Variants in ERBB4 observed in about 807,000 individuals in gnomAD.
The protein encoded by ERBB4 is erb-b2 receptor tyrosine kinase 4.
ERBB4 carries 42 observed loss-of-function variants against 158.0 expected under a neutral mutation model. That is an observed-to-expected ratio of 0.27 (90% CI 0.21 to 0.34). ERBB4 has a LOEUF of 0.34. Ranked by LOEUF, ERBB4 falls within the 10% of genes least tolerant of loss-of-function variation. The pLI is 1.00. For synonymous variants in ERBB4, 583 were observed against 558.7 expected (o/e 1.04, Z -0.61); for missense variants, 1,333 against 1,624.1 (o/e 0.82, Z 3.08).
At position 212,082,464 on chromosome 2, in the gene ERBB4, A is replaced by G. The variant is rs538341076; in HGVS notation, c.234+42288T>C. Reference sequence around the variant, plus strand: ...AAAGATGACTATAAAATAATGTTTTATAAGGGCATTTGCATACTTTGGCAC... The same window carrying G: ...AAAGATGACTATAAAATAATGTTTTGTAAGGGCATTTGCATACTTTGGCAC... On this transcript the variant is annotated intron_variant, in intron 2 of 27. Transcript: ENST00000342788. Among the ~76,000 whole-genome samples, 39 of 152,234 alleles carry G rather than the reference A, an allele frequency of 2.6e-4. No homozygotes were observed. In the South Asian group the frequency reaches 7.0e-3, roughly 27 times the overall value.
intron 1 of ERBB4, among the ~76,000 whole-genome samples, chr2:212,377,944 T>A (rs1245561349): frequency 6.6e-6 from 1 of 151,794 alleles, no homozygotes; most frequent in Non-Finnish European, 1.5e-5. Context: ...TTCTATAAGC[T>A]TTTTCCTATT....
At chr2:212,288,385 GAACATACTATT>G (rs1470267010) in intron 1 of ERBB4, among the ~76,000 whole-genome samples, 1 of 152,080 alleles carries the variant, frequency 6.6e-6, no homozygotes, top group African/African-American at 2.4e-5. Flanking sequence ...GAGGAACCAC[GAACATACTATT>G]AACATCACTG....
At chr2:211,764,534 T>C (rs540022277) in intron 4 of ERBB4, among the ~76,000 whole-genome samples, 3 of 152,318 alleles carry the variant, frequency 2.0e-5, no homozygotes, top group Non-Finnish European at 4.4e-5. Flanking sequence ...GGCAATTTAT[T>C]TCTATGATAA....
Position 211,386,982 on chromosome 2 carries a change from G to T in ERBB4, c.3352C>A (p.His1118Asn). 1.2e-6 allele frequency: 2 copies of T among 1,614,026 alleles called. No homozygotes were observed. Among genetic ancestry groups the T allele is most frequent in the Non-Finnish European group, 1.7e-6 (2 of 1,179,968 alleles). ...TGGGTGCTACTGTCCTCTTGGACAT[G>T]GGGTGCCACTGGCTTGCGTAGGGTG... ...NGTLRKPVAPHVQEDSSTQRY... is the reference protein window; with the variant it reads ...NGTLRKPVAPNVQEDSSTQRY... The change falls in exon 27 of 28, where the codon CAT (histidine) becomes AAT (asparagine). Residue 1118 changes from histidine (H) to asparagine (N), a missense_variant. Coordinates refer to ENST00000342788, the MANE Select transcript of ERBB4 (RefSeq NM_005235.3).
At chr2:212,528,017 CT>C (rs1391576128) in intron 1 of ERBB4, among the ~76,000 whole-genome samples, 6 of 151,878 alleles carry the variant, frequency 4.0e-5, no homozygotes, top group South Asian at 4.2e-4. Flanking sequence ...GCATACGCCC[CT>C]GATTCGAAGT....
chr2:212,029,086 C>T (rs1225313236), intron 2 of ERBB4, among the ~76,000 whole-genome samples: 1 of 152,020 alleles, frequency 6.6e-6, no homozygotes, highest in Non-Finnish European at 1.5e-5. Flanking sequence ...GACCTGATGA[C>T]CCCAAGTTAC....
At chr2:211,513,923 T>C (rs1025406693) in intron 20 of ERBB4, among the ~76,000 whole-genome samples, 2 of 152,126 alleles carry the variant, frequency 1.3e-5, no homozygotes, top group Non-Finnish European at 2.9e-5. Flanking sequence ...GCTATTTTGA[T>C]GTAATGATCA....
chr2:211,811,680 T>C lies in ERBB4; in HGVS notation c.422-23521A>G, dbSNP rs1472070828. Among the ~76,000 whole-genome samples, 3 of 152,212 alleles carry C rather than the reference T, an allele frequency of 2.0e-5. No individual in the cohort carries two copies. In the South Asian group the frequency reaches 6.2e-4, roughly 32 times the overall value. On this transcript the variant is annotated intron_variant, in intron 3 of 27. Transcript: ENST00000342788. ...CAAATGTAGATTTGGTCCTTTCACA[T>C]AGTCCCATATTTCTCAGAGGCTTTG...
intron 19 of ERBB4, among the ~76,000 whole-genome samples, chr2:211,576,349 C>T (rs987188156): frequency 1.3e-5 from 2 of 152,104 alleles, no homozygotes; most frequent in South Asian, 2.1e-4. Flanking sequence ...CAATTCTGGT[C>T]CAGTACTTGA....
At chr2:211,634,941 G>T (rs2070302890) in intron 16 of ERBB4, among the ~76,000 whole-genome samples, 1 of 152,080 alleles carries the variant, frequency 6.6e-6, no homozygotes, top group South Asian at 2.1e-4. Flanking sequence ...AAAAGTGCTG[G>T]GATTACAGGC....
At chr2:211,796,011 G>T (rs556854476) in intron 3 of ERBB4, among the ~76,000 whole-genome samples, 8 of 151,932 alleles carry the variant, frequency 5.3e-5, no homozygotes, top group African/African-American at 1.9e-4. Context: ...AGCTTTTTAA[G>T]AAACTTTTTA....
chr2:212,138,018 T>C (rs16847775), intron 1 of ERBB4, among the ~76,000 whole-genome samples: 13,037 of 152,218 alleles, frequency 0.086, 1,172 homozygotes, highest in African/African-American at 0.23. Context: ...ATAAATACAA[T>C]CTATGTCACA....
chr2:212,183,235 T>C (rs2081926251), intron 1 of ERBB4, among the ~76,000 whole-genome samples: 1 of 151,884 alleles, frequency 6.6e-6, no homozygotes, highest in Non-Finnish European at 1.5e-5. Context: ...GAGGTTGTAG[T>C]AATAAAAAAT....
At chr2:211,750,024 T>G (rs2075084113) in intron 5 of ERBB4, among the ~76,000 whole-genome samples, 1 of 152,186 alleles carries the variant, frequency 6.6e-6, no homozygotes, top group Non-Finnish European at 1.5e-5. Context: ...AAAAAATAGC[T>G]ATTTGTCTTT....
At chr2:211,745,667 T>G (rs1267651666) in intron 5 of ERBB4, among the ~76,000 whole-genome samples, 1 of 148,852 alleles carries the variant, frequency 6.7e-6, no homozygotes, top group African/African-American at 2.5e-5. Flanking sequence ...ATTTAAGAGC[T>G]TCAACTGCAT....
intron 20 of ERBB4, among the ~76,000 whole-genome samples, chr2:211,437,137 C>G (rs1419664403): frequency 1.3e-5 from 2 of 152,168 alleles, no homozygotes; most frequent in African/African-American, 2.4e-5. Flanking sequence ...CGAAACTATT[C>G]AGAATTTACC....
At chr2:211,401,197 A>T (rs2063033457) in intron 25 of ERBB4, among the ~76,000 whole-genome samples, 1 of 152,074 alleles carries the variant, frequency 6.6e-6, no homozygotes, top group Non-Finnish European at 1.5e-5. Flanking sequence ...TACATGAAAT[A>T]TCCAGTAATA....
chr2:212,500,322 C>T (rs1020928304), intron 1 of ERBB4, among the ~76,000 whole-genome samples: 1 of 152,022 alleles, frequency 6.6e-6, no homozygotes, highest in African/African-American at 2.4e-5. Flanking sequence ...GTAATTAAAA[C>T]AAAACCCACT....
intron 2 of ERBB4, among the ~76,000 whole-genome samples, chr2:212,105,577 G>T (rs2079201298): frequency 6.6e-6 from 1 of 152,040 alleles, no homozygotes; most frequent in Admixed American, 6.6e-5. Context: ...TAGTAATATT[G>T]AATTCAATTA....
Sources: allele counts gnomAD v4.1 joint callset (sites outside exome capture counted in the v4.1 genomes callset), GRCh38; gene constraint gnomAD v4.1.1; transcripts MANE v1.5; gene names NCBI Gene and HGNC (gene_info 2026-07-23, HGNC 2026-07-21).